Variants in NREP observed in about 807,000 individuals in gnomAD.
NREP encodes the protein neuronal regeneration-related protein.
NREP carries 5 observed loss-of-function variants against 8.6 expected under a neutral mutation model. The ratio of observed to expected loss-of-function variants is 0.58; its 90% CI spans 0.30 to 1.22. The LOEUF (loss-of-function observed/expected upper bound fraction) is 1.22, where lower values mean the gene tolerates loss of function less well. Ranked by LOEUF, NREP falls within the 50% of genes most tolerant of loss-of-function variation. The probability of loss-of-function intolerance (pLI) is 0.07; values close to 1 mark genes in which losing one functional copy is unlikely to be tolerated. For synonymous variants in NREP, 27 were observed against 28.0 expected, an observed-to-expected ratio of 0.96 and a Z score of 0.11; for missense variants, 86 against 82.5, an observed-to-expected ratio of 1.04 and a Z score of -0.17.
At chr5:111,949,527 C>G (rs1460105360) in intron 2 of NREP, among the ~76,000 whole-genome samples, 1 of 151,948 alleles carries the variant, frequency 6.6e-6, no homozygotes, top group African/African-American at 2.4e-5. Context: ...ATGTGTAGAA[C>G]ATGCAGGTTT....
At chr5:111,891,411 C>G (rs765325477) in intron 2 of NREP, among the ~76,000 whole-genome samples, 5 of 152,202 alleles carry the variant, frequency 3.3e-5, no homozygotes, top group Non-Finnish European at 7.3e-5. Flanking sequence ...GTTCCCTCAT[C>G]TGCCTGTCTT....
rs538973503 is a variant in NREP at position 111,882,686 on chromosome 5, A to G, written c.135+92588T>C. 2.5e-3 allele frequency among the ~76,000 whole-genome samples: 377 copies of G among 152,236 alleles called. 3 individuals carry two copies. The highest frequency in any genetic ancestry group is 8.6e-3 in the African/African-American group (358 of 41,524). Reference sequence around the variant, plus strand: ...GTGGGGGCCAATATTCAACATTCTTAAAAGAATTTTCCACCCAGAATTTCA... The same window carrying G: ...GTGGGGGCCAATATTCAACATTCTTGAAAGAATTTTCCACCCAGAATTTCA... On this transcript the variant is annotated intron_variant, in intron 2 of 3. Coordinates refer to the NREP transcript ENST00000395634.
intron 2 of NREP, among the ~76,000 whole-genome samples, chr5:111,811,459 C>T (rs892113392): frequency 6.6e-6 from 1 of 152,200 alleles, no homozygotes; most frequent in African/African-American, 2.4e-5. Context: ...CCACCTCTTT[C>T]AACGAAGACT....
chr5:111,976,309 T>C (rs1756962394), intron 1 of NREP, among the ~76,000 whole-genome samples: 1 of 152,182 alleles, frequency 6.6e-6, no homozygotes, highest in Non-Finnish European at 1.5e-5. Context: ...GAGGTATAGG[T>C]TCTACAGCCA....
chr5:111,820,247 G>C (rs577548935), intron 2 of NREP, among the ~76,000 whole-genome samples: 8 of 152,346 alleles, frequency 5.3e-5, no homozygotes, highest in Admixed American at 5.2e-4. Flanking sequence ...TGTACAGGAT[G>C]AAAGTTGATA....
chr5:111,866,691 C>T (rs902207829), intron 2 of NREP, among the ~76,000 whole-genome samples: 3 of 152,302 alleles, frequency 2.0e-5, no homozygotes, highest in African/African-American at 7.2e-5. Flanking sequence ...AAGACACATG[C>T]ACACGTATGT....
chr5:111,927,978 G>A (rs562583899), intron 2 of NREP, among the ~76,000 whole-genome samples: 13 of 152,152 alleles, frequency 8.5e-5, no homozygotes, highest in South Asian at 2.1e-4. Flanking sequence ...CATAGGCCCC[G>A]GACTGGAAAA....
intron 2 of NREP, among the ~76,000 whole-genome samples, chr5:111,923,875 G>C (rs1337383860): frequency 1.3e-5 from 2 of 151,952 alleles, no homozygotes; most frequent in Non-Finnish European, 2.9e-5. Flanking sequence ...TTTGATTCTG[G>C]ATCCCAAATC....
chr5:111,825,463 C>T (rs1752600490), intron 2 of NREP, among the ~76,000 whole-genome samples: 1 of 152,140 alleles, frequency 6.6e-6, no homozygotes, highest in Admixed American at 6.5e-5. Context: ...TACTGTCTCT[C>T]TTTCTAGAAT....
chr5:111,952,599 G>C (rs963887464), intron 2 of NREP, among the ~76,000 whole-genome samples: 1 of 152,136 alleles, frequency 6.6e-6, no homozygotes, highest in African/African-American at 2.4e-5. Context: ...AGTGAAGAAA[G>C]AATCTCCTGT....
chr5:111,856,042 C>G (rs1753419939), intron 2 of NREP, among the ~76,000 whole-genome samples: 2 of 152,162 alleles, frequency 1.3e-5, no homozygotes, highest in South Asian at 4.1e-4. Context: ...GGAGAGGCCT[C>G]TCTCCATTTT....
intron 2 of NREP, among the ~76,000 whole-genome samples, chr5:111,935,944 A>G (rs576368995): frequency 1.1e-4 from 16 of 152,178 alleles, no homozygotes; most frequent in Non-Finnish European, 2.1e-4. Context: ...TAACAGGGCC[A>G]TGCTCTCTCT....
chr5:111,959,016 A>T (rs1756408803), intron 2 of NREP, among the ~76,000 whole-genome samples: 1 of 147,844 alleles, frequency 6.8e-6, no homozygotes. Flanking sequence ...TTTCAGAAAG[A>T]AAAAAAAATT....
chr5:111,803,724 T>C (rs1253569586), intron 2 of NREP, among the ~76,000 whole-genome samples: 1 of 152,222 alleles, frequency 6.6e-6, no homozygotes, highest in Non-Finnish European at 1.5e-5. Flanking sequence ...TATTTCCTGA[T>C]GGAAACTTTT....
chr5:111,757,225 AGATTGGGGGGGGAGGGGG>A, upstream of NREP: 8 of 408,356 alleles, frequency 2.0e-5, no homozygotes, highest in Admixed American at 9.2e-4. Context: ...CTAGAAAGAC[AGATTGGGGGGGGAGGGGG>A]GATTGGGGGA....
At chr5:111,780,961 A>G (rs973626213) in intron 2 of NREP, among the ~76,000 whole-genome samples, 8 of 152,260 alleles carry the variant, frequency 5.3e-5, no homozygotes, top group Non-Finnish European at 1.0e-4. Context: ...AACTTGTGTC[A>G]TAGGGGTTTG....
intron 3 of NREP, chr5:111,734,897 T>C (rs1381262355): frequency 1.2e-5 from 5 of 429,318 alleles, no homozygotes; most frequent in African/African-American, 6.1e-5. Context: ...ATCTAAAATA[T>C]AAATTTTACA....
At chr5:111,870,972 A>G (rs1396694303) in intron 2 of NREP, among the ~76,000 whole-genome samples, 1 of 151,976 alleles carries the variant, frequency 6.6e-6, no homozygotes, top group African/African-American at 2.4e-5. Context: ...AAGGCATAAA[A>G]TTCTGGAAAG....
At chr5:111,759,377 G>A (rs949840154), upstream of NREP, among the ~76,000 whole-genome samples, 13 of 151,480 alleles carry the variant, frequency 8.6e-5, no homozygotes, top group African/African-American at 2.9e-4. Context: ...TCCCTAAGAT[G>A]TTCTTTCACA....
Sources: gnomAD v4.1 joint callset for allele counts (sites outside exome capture counted in the v4.1 genomes callset) on GRCh38, gnomAD v4.1.1 for gene constraint, MANE v1.5 for transcripts, NCBI Gene and HGNC (gene_info 2026-07-23, HGNC 2026-07-21) for gene names.